The following CMIP variants were observed in gnomAD, a reference collection of about 807,000 sequenced individuals.
CMIP encodes the protein c-Maf inducing protein, also known as C-Maf-inducing protein.
Under a neutral mutation model 97.3 loss-of-function variants are expected in CMIP, and 13 were observed. The ratio of observed to expected loss-of-function variants is 0.13; its 90% CI spans 0.09 to 0.21. CMIP has a LOEUF of 0.21. Among genes scored for constraint, CMIP ranks in the 10% least tolerant of loss-of-function variants. The pLI, the probability that CMIP is intolerant of heterozygous loss-of-function variation, is 1.00. For synonymous variants in CMIP, 538 were observed against 436.3 expected (o/e 1.23, Z -2.91); for missense variants, 847 against 1,024.9 (o/e 0.83, Z 2.37).
At chr16:81,476,871 G>A (rs562701485) in intron 1 of CMIP, among the ~76,000 whole-genome samples, 6 of 151,802 alleles carry the variant, frequency 4.0e-5, no homozygotes, top group Non-Finnish European at 7.4e-5. Flanking sequence ...ACTTCCCGAC[G>A]TCAGCCAAGT....
intron 1 of CMIP, among the ~76,000 whole-genome samples, chr16:81,520,912 G>T (rs985954955): frequency 3.3e-5 from 5 of 152,188 alleles, no homozygotes; most frequent in African/African-American, 1.2e-4. Flanking sequence ...AGGAGCTGCT[G>T]TCGTGAGTGT....
intron 1 of CMIP, among the ~76,000 whole-genome samples, chr16:81,476,672 G>C (rs1907943146): frequency 6.6e-6 from 1 of 152,158 alleles, no homozygotes; most frequent in Non-Finnish European, 1.5e-5. Context: ...GAGATCCATT[G>C]TATGAAGAAG....
intron 1 of CMIP, among the ~76,000 whole-genome samples, chr16:81,477,758 A>G (rs964321929): frequency 6.6e-6 from 1 of 152,208 alleles, no homozygotes; most frequent in African/African-American, 2.4e-5. Flanking sequence ...GGGCCCCTCC[A>G]TGTGGCTGCT....
At chr16:81,531,097 C>T (rs543152032) in intron 1 of CMIP, among the ~76,000 whole-genome samples, 2 of 152,274 alleles carry the variant, frequency 1.3e-5, no homozygotes, top group South Asian at 4.1e-4. Flanking sequence ...TTTGCAGATG[C>T]GACCAAGTTA....
At chr16:81,567,756 C>T (rs1395021682) in intron 1 of CMIP, among the ~76,000 whole-genome samples, 1 of 152,236 alleles carries the variant, frequency 6.6e-6, no homozygotes, top group Non-Finnish European at 1.5e-5. Flanking sequence ...TTCTAAAGGG[C>T]ATTTGCCTTA....
intron 1 of CMIP, among the ~76,000 whole-genome samples, chr16:81,472,033 C>T (rs1285980444): frequency 6.6e-6 from 1 of 152,204 alleles, no homozygotes; most frequent in East Asian, 1.9e-4. Flanking sequence ...CACAGATTCA[C>T]GGACATGTAC....
intron 1 of CMIP, among the ~76,000 whole-genome samples, chr16:81,544,691 A>G (rs2090512161): frequency 1.3e-5 from 2 of 150,506 alleles, no homozygotes; most frequent in Non-Finnish European, 3.0e-5. Flanking sequence ...GGGTATTTGT[A>G]TGTGTGTATA....
chr16:81,602,815 C>G (rs758900031), intron 1 of CMIP, among the ~76,000 whole-genome samples: 1 of 152,220 alleles, frequency 6.6e-6, no homozygotes, highest in Admixed American at 6.5e-5. Flanking sequence ...CCAATTCAGC[C>G]TCCTACCCCA....
In CMIP at chr16:81,664,320, G is replaced by A. The variant is rs1263834762; in HGVS notation, c.796G>A (p.Val266Met). ...GGTGGTCATCGAGGTGTTCACCCCC[G>A]TGGTGCAGCGAATCCTCAAGCATAA... ...SMVVIEVFTPVVQRILKHNMD... is the reference protein window; with the variant it reads ...SMVVIEVFTPMVQRILKHNMD... Residue 266 changes from valine (V) to methionine (M), a missense_variant, in exon 7 of 21, where the codon GTG (valine) becomes ATG (methionine). Val to Met is a conservative substitution (Grantham distance 21). Coordinates refer to ENST00000537098, the MANE Select transcript of CMIP (RefSeq NM_198390.3). 7.5e-6 allele frequency: 12 copies of A among 1,599,508 alleles called. No homozygotes were observed. The highest frequency in any genetic ancestry group is 4.0e-5 in the African/African-American group (3 of 74,596).
intron 1 of CMIP, among the ~76,000 whole-genome samples, chr16:81,446,416 C>T (rs1427654432): frequency 6.8e-6 from 1 of 147,582 alleles, no homozygotes; most frequent in Non-Finnish European, 1.5e-5. Context: ...AGAAAGACAG[C>T]TGTGGTGGGG....
intron 1 of CMIP, among the ~76,000 whole-genome samples, chr16:81,466,182 T>C (rs529997009): frequency 2.6e-5 from 4 of 152,266 alleles, no homozygotes; most frequent in African/African-American, 9.6e-5. Context: ...CACCTCAGCC[T>C]CTCGAGTAGC....
At position 81,614,026 on chromosome 16, in the gene CMIP, G is replaced by T. The variant is rs1404805090; in HGVS notation, c.426+6334G>T. Among the ~76,000 whole-genome samples, 2 of 152,222 alleles carry T rather than the reference G, an allele frequency of 1.3e-5. No individual in the cohort carries two copies. Among genetic ancestry groups the T allele is most frequent in the African/African-American group, 4.8e-5 (2 of 41,442 alleles). On this transcript the variant is annotated intron_variant, in intron 2 of 20. Transcript: ENST00000537098. The surrounding 1 kb of genome is among the most constrained non-coding windows in gnomAD (Gnocchi z 5.3). Reference sequence around the variant, plus strand: ...AAGGACAACTAGACAGGCGATTCCAGGACAGTGTGATGCGTTAGGCGAGGC... The same window carrying T: ...AAGGACAACTAGACAGGCGATTCCATGACAGTGTGATGCGTTAGGCGAGGC...
At chr16:81,509,463 G>A (rs905687269) in intron 1 of CMIP, among the ~76,000 whole-genome samples, 4 of 152,188 alleles carry the variant, frequency 2.6e-5, no homozygotes, top group Non-Finnish European at 4.4e-5. Context: ...TCCTTCCTGC[G>A]TGCACTGCCT....
At chr16:81,617,133 G>A (rs529045717) in intron 2 of CMIP, 1 of 152,388 alleles carries the variant, frequency 6.6e-6, no homozygotes, top group Admixed American at 6.5e-5. Context: ...AAATGCCTAC[G>A]GGGCAAACAC....
intron 1 of CMIP, among the ~76,000 whole-genome samples, chr16:81,506,575 G>A (rs1008003147): frequency 2.6e-5 from 4 of 152,258 alleles, no homozygotes; most frequent in Non-Finnish European, 5.9e-5. Flanking sequence ...CTTGATTGGG[G>A]AAAAGTCTTC....
Position 81,703,924 on chromosome 16 carries a change from C to T in CMIP, c.1945-15C>T, listed in dbSNP as rs1907721892. 2 of 1,587,194 alleles carry T rather than the reference C, an allele frequency of 1.3e-6. No individual in the cohort carries two copies. The highest frequency in any genetic ancestry group is 2.3e-5 in the East Asian group (1 of 43,618). On this transcript the variant is annotated splice_polypyrimidine_tract_variant and intron_variant, in intron 17 of 20. Transcript: ENST00000537098. ...CCCAGCAGCACCCTCAGGCCTCTCC[C>T]CCGTCTGCCCGCAGGACGCTGACTT...
Position 81,709,905 on chromosome 16 carries a change from G to A in CMIP, c.*106G>A. On this transcript the variant is annotated 3_prime_UTR_variant, in exon 21 of 21. Transcript: ENST00000537098. ...GGGGTCCCACCCTGGTGCCCTGGCT[G>A]TGAGATAGATGGGGAGTCTTTCTGG... The A allele has an allele frequency of 3.0e-6, 2 of 663,256 alleles. No individual in the cohort carries two copies. The highest frequency in any genetic ancestry group is 3.3e-5 in the South Asian group (2 of 60,776). 41.1% of individuals were successfully genotyped at this position (663,256 alleles called of 1,614,324 possible).
chr16:81,678,109 C>T (rs1412090151), intron 9 of CMIP, among the ~76,000 whole-genome samples, 166 bp from the exon 10 acceptor site: 2 of 152,144 alleles, frequency 1.3e-5, no homozygotes, highest in African/African-American at 4.8e-5. Flanking sequence ...TTGGGCAAGC[C>T]GTGCACCCAG....
intron 1 of CMIP, among the ~76,000 whole-genome samples, chr16:81,487,312 C>T (rs922273007): frequency 6.6e-6 from 1 of 152,150 alleles, no homozygotes; most frequent in Admixed American, 6.5e-5. Flanking sequence ...GCGGTCACGG[C>T]GAGCTGGCAC....
Sources: allele counts gnomAD v4.1 joint callset (sites outside exome capture counted in the v4.1 genomes callset), GRCh38; gene constraint gnomAD v4.1.1; non-coding constraint Gnocchi (gnomAD v3.1); transcripts MANE v1.5; gene names NCBI Gene and HGNC (gene_info 2026-07-23, HGNC 2026-07-21).